The following COL6A3 variants were observed in gnomAD, a reference collection of about 807,000 sequenced individuals.
COL6A3 encodes the protein collagen type VI alpha 3 chain, also known as collagen alpha-3(VI) chain.
A neutral mutation model predicts 274.1 loss-of-function variants in COL6A3; 137 were observed. The ratio of observed to expected loss-of-function variants is 0.50; its 90% CI spans 0.44 to 0.58. COL6A3 has a LOEUF of 0.58. COL6A3 is among the 20% of genes least tolerant of loss of function. The probability of loss-of-function intolerance (pLI) is 0.00; values close to 1 mark genes in which losing one functional copy is unlikely to be tolerated. For missense variants in COL6A3, 3,950 were observed against 4,124.9 expected, an observed-to-expected ratio of 0.96 and a Z score of 1.16; for synonymous variants, 1,650 against 1,650.6, an observed-to-expected ratio of 1.00 and a Z score of 0.01.
Position 237,381,468 on chromosome 2 carries a change from G to A in COL6A3, c.1344C>T (p.Phe448=), listed in dbSNP as rs2106370423. 6 of 1,606,162 alleles carry A rather than the reference G, an allele frequency of 3.7e-6. No homozygotes were observed. Among genetic ancestry groups the A allele is most frequent in the Non-Finnish European group, 4.2e-6 (5 of 1,179,984 alleles). ...CCAGTGCAGATGAGCCATCCACCAG[G>A]AAGACTATGTCTCTCTTGTTGACTT... ...VIEVNKRDIV[F]LVDGSSALGL... The change falls in exon 5 of 44, where the codon TTC becomes TTT. Residue 448 remains phenylalanine, a synonymous_variant. Transcript: ENST00000295550.
chr2:237,372,437 T>A, intron 8 of COL6A3, 100 bp from the exon 9 acceptor site: 1 of 1,594,958 alleles, frequency 6.3e-7, no homozygotes, highest in East Asian at 2.2e-5. Flanking sequence ...AGGCAGGGGA[T>A]CCTAACACCA....
rs370253845 is a variant in COL6A3, at chr2:237,368,625, A to G, written c.4838T>C (p.Phe1613Ser). The G allele has an allele frequency of 1.2e-6, 2 of 1,614,118 alleles. No homozygotes were observed. The highest frequency in any genetic ancestry group is 1.7e-6 in the Non-Finnish European group (2 of 1,180,026). ...TGCAGGAGTGGCTGCGGAGGGTCCAAACGAGTTCATGATTCTTTCTTCTAT... is the reference window on the plus strand; with the variant it reads ...TGCAGGAGTGGCTGCGGAGGGTCCAGACGAGTTCATGATTCTTTCTTCTAT... ...PNIEERIMNS[F>S]GPSAATPAPP... Residue 1613 changes from phenylalanine to serine, a missense_variant, in exon 10 of 44, where the codon TTT becomes TCT. Physicochemically the swap from Phe to Ser is radical, Grantham distance 155. Coordinates refer to ENST00000295550, the MANE Select transcript of COL6A3 (RefSeq NM_004369.4). The surrounding 1 kb of genome is among the most constrained non-coding windows in gnomAD (Gnocchi z 4.4).
At chr2:237,385,994 C>T (rs1352522411) in intron 4 of COL6A3, among the ~76,000 whole-genome samples, 2 of 152,214 alleles carry the variant, frequency 1.3e-5, no homozygotes, top group African/African-American at 4.8e-5. Flanking sequence ...CAGACACAGC[C>T]TTCTCCAGAA....
intron 42 of COL6A3, chr2:237,328,788 T>C (rs1700080955): frequency 6.6e-6 from 1 of 152,194 alleles, no homozygotes; most frequent in Non-Finnish European, 1.5e-5. Flanking sequence ...AATCACGATG[T>C]AAGTACTTCC....
intron 36 of COL6A3, chr2:237,342,678 T>TTGAA (rs768919360): frequency 1.9e-5 from 3 of 159,262 alleles, no homozygotes; most frequent in African/African-American, 7.2e-5. Flanking sequence ...AATAGCTAGT[T>TTGAA]TGAATGAATG....
chr2:237,352,431 A>G (rs2077226436), intron 26 of COL6A3, 91 bp downstream of exon 26: 1 of 1,292,290 alleles, frequency 7.7e-7, no homozygotes, highest in Non-Finnish European at 1.1e-6. Context: ...AGGTCTGTCT[A>G]CAATAGCATC....
rs115401779 is a variant in COL6A3, at chr2:237,361,757, G to T, written c.6138C>A (p.Ile2046=). The T allele has an allele frequency of 6.2e-7, 1 of 1,614,044 alleles. No individual in the cohort carries two copies. The highest frequency in any genetic ancestry group is 1.3e-5 in the African/African-American group (1 of 74,932). Residue 2046 remains isoleucine (I), a synonymous_variant, in exon 15 of 44, where the codon ATC becomes ATA. Transcript: ENST00000295550. The surrounding 1 kb of genome is among the most constrained non-coding windows in gnomAD (Gnocchi z 5.1). ...ACCGTACCTTTGGCCCGATGCTGCC[G>T]ATGGGCCCGCGGTCTCCCCTCTGCC... ...CSGQRGDRGP[I]GSIGPKGIPG...
chr2:237,375,062 G>C, intron 7 of COL6A3, 42 bp from the exon 8 acceptor site: 1 of 1,610,470 alleles, frequency 6.2e-7, no homozygotes, highest in East Asian at 2.2e-5. Context: ...GGACATCAGA[G>C]CAGCAATTTC....
At chr2:237,399,050 G>A (rs1296325113) in intron 1 of COL6A3, among the ~76,000 whole-genome samples, 6 of 152,174 alleles carry the variant, frequency 3.9e-5, no homozygotes, top group Middle Eastern at 3.2e-3. Context: ...AGTGGCCAAG[G>A]TGCACAACTA....
At position 237,363,143 on chromosome 2, in the gene COL6A3, GCC is replaced by G. The variant is rs11287247; in HGVS notation, c.6063+108_6063+109del. 1,406 of 912,306 alleles carry G rather than the reference GCC, an allele frequency of 1.5e-3. 6 individuals are homozygous for G. Among genetic ancestry groups the G allele is most frequent in the Middle Eastern group, 2.3e-3 (8 of 3,454 alleles). The allele number at this position is 912,306 out of a possible 1,614,324, so 56.5% of individuals were successfully genotyped here. A position where few individuals can be genotyped will look rare whatever the true frequency, so the allele number is the denominator to read the frequency against. ...TAAATAAATTTAACTATCTACCAAG[GCC>G]CCCCCCCCACCTCCATTCACCTGCT... is the stretch of plus-strand genomic sequence containing the variant. On this transcript the variant is annotated intron_variant, in intron 14 of 43. Coordinates refer to ENST00000295550, the MANE Select transcript of COL6A3 (RefSeq NM_004369.4).
chr2:237,363,539 C>G, intron 13 of COL6A3, 141 bp from the exon 14 acceptor site: 1 of 936,042 alleles, frequency 1.1e-6, no homozygotes, highest in Non-Finnish European at 1.7e-6. Flanking sequence ...AGTTTACTGG[C>G]TACTCTGAAT....
rs767311895 is a variant in COL6A3, at chr2:237,394,676, T to C, written c.620A>G (p.His207Arg). ...GGACACTAAGTTTCCTACTATGTCA[T>C]GAAGTGAGGTAAAATTCTCTAGGTT... Reference protein sequence around the residue: ...MFNLENFTSLHDIVGNLVSCV... With the variant: ...MFNLENFTSLRDIVGNLVSCV... Residue 207 changes from histidine to arginine, a missense_variant, in exon 3 of 44, where the codon CAT (histidine) becomes CGT (arginine). By Grantham distance (29) the His-to-Arg change is conservative. This residue lies in a region of COL6A3 where 1,934 missense variants were observed against 1,984.3 expected (regional missense o/e 0.97). Coordinates refer to ENST00000295550, the MANE Select transcript of COL6A3 (RefSeq NM_004369.4). The C allele has an allele frequency of 1.2e-6, 2 of 1,614,262 alleles. No homozygotes were observed. The highest frequency in any genetic ancestry group is 1.7e-6 in the Non-Finnish European group (2 of 1,180,042).
intron 42 of COL6A3, among the ~76,000 whole-genome samples, chr2:237,332,117 A>ATATATG (rs35490728): frequency 0.01 from 658 of 64,184 alleles, 135 homozygotes; most frequent in Non-Finnish European, 0.013. Context: ...ATATATATAT[A>ATATATG]TGAAAAGAAA....
In COL6A3 at chr2:237,396,865, G is replaced by A. The variant is rs766624830; in HGVS notation, c.-30-18C>T. Reference sequence around the variant, plus strand: ...ATATGAACCTAAAAGAGAAAACAGGGCAAAGGGAATGATCAGTTTTTGACT... The same window carrying A: ...ATATGAACCTAAAAGAGAAAACAGGACAAAGGGAATGATCAGTTTTTGACT... On this transcript the variant is annotated intron_variant, in intron 1 of 43. Coordinates refer to ENST00000295550, the MANE Select transcript of COL6A3 (RefSeq NM_004369.4). 1.6e-5 allele frequency: 25 copies of A among 1,555,394 alleles called. 1 individual carries two copies. The highest frequency in any genetic ancestry group is 3.4e-4 in the Middle Eastern group (2 of 5,940).
intron 1 of COL6A3, among the ~76,000 whole-genome samples, chr2:237,402,655 T>C (rs556987561): frequency 4.9e-4 from 74 of 152,092 alleles, no homozygotes; most frequent in African/African-American, 1.7e-3. Context: ...AAGAAAAGAG[T>C]ATATGTCATG....
chr2:237,381,180 C>G lies in COL6A3; in HGVS notation c.1632G>C (p.Arg544=). 6.2e-7 allele frequency: 1 copy of G among 1,614,264 alleles called. No homozygotes were observed. The highest frequency in any genetic ancestry group is 8.5e-7 in the Non-Finnish European group (1 of 1,180,052). The stretch of plus-strand genomic sequence containing the variant: ...AAAGCTTAGGAATCCCCTCGGCAGC[C>G]CGGTAGCCGGCTGAACTCGTGAATA... ...NNLFTSSAGY[R]AAEGIPKLLV... The change falls in exon 5 of 44, where the codon CGG becomes CGC. Residue 544 remains arginine (R), a synonymous_variant. Coordinates refer to ENST00000295550, the MANE Select transcript of COL6A3 (RefSeq NM_004369.4).
Position 237,387,958 on chromosome 2 carries a change from G to A in COL6A3, c.936C>T (p.Leu312=), listed in dbSNP as rs377629176. 144 of 1,614,200 alleles carry A rather than the reference G, an allele frequency of 8.9e-5. 2 individuals carry two copies. The highest frequency in any genetic ancestry group is 8.5e-4 in the South Asian group (77 of 91,076). The change falls in exon 4 of 44, where the codon CTC becomes CTT. Residue 312 remains leucine (L), a synonymous_variant. Transcript: ENST00000295550. ...TGGCCAACTCCCCACCAGCAAACCC[G>A]AGGGCTTTCACTGCACCCAGAACCT... ...KAQVLGAVKA[L]GFAGGELANI...
At chr2:237,346,450 C>T (rs529427753) in intron 32 of COL6A3, 53 bp downstream of exon 32, 24 of 1,509,632 alleles carry the variant, frequency 1.6e-5, no homozygotes, top group South Asian at 3.4e-5. Context: ...TCAGGGACCA[C>T]GTGTAAAGCA....
chr2:237,333,969 C>T (rs531873389), intron 41 of COL6A3, among the ~76,000 whole-genome samples: 5 of 152,118 alleles, frequency 3.3e-5, no homozygotes, highest in Admixed American at 6.5e-5. Context: ...CCTTCACATT[C>T]CTGGAGCAGT....
Sources: gnomAD v4.1 joint callset for allele counts (sites outside exome capture counted in the v4.1 genomes callset) on GRCh38, gnomAD v4.1.1 for gene constraint, gnomAD v4.1.1 regional missense constraint, Gnocchi (gnomAD v3.1) non-coding constraint, MANE v1.5 for transcripts, NCBI Gene and HGNC (gene_info 2026-07-23, HGNC 2026-07-21) for gene names.